The following RASAL2 variants were observed in gnomAD, a reference collection of about 807,000 sequenced individuals.
The protein encoded by RASAL2 is ras GTPase-activating protein nGAP.
In RASAL2, 58 loss-of-function variants were observed where a neutral mutation model predicts 128.9. The observed-to-expected ratio is 0.45, with a 90% CI of 0.36 to 0.56. The LOEUF is 0.56. RASAL2 is among the 20% of genes least tolerant of loss of function. The pLI is 0.00. For missense variants in RASAL2, 1,360 were observed against 1,601.6 expected (o/e 0.85, Z 2.57); for synonymous variants, 561 against 580.8 (o/e 0.97, Z 0.49).
chr1:178,203,546 C>G (rs1662944023), intron 1 of RASAL2, among the ~76,000 whole-genome samples: 1 of 152,190 alleles, frequency 6.6e-6, no homozygotes, highest in African/African-American at 2.4e-5. Flanking sequence ...TAGTGATCCA[C>G]TAGCACAATT....
chr1:178,349,147 G>A, intron 3 of RASAL2, among the ~76,000 whole-genome samples: 1 of 150,822 alleles, frequency 6.6e-6, no homozygotes, highest in African/African-American at 2.4e-5. Flanking sequence ...CTGGCCGGAC[G>A]CCGTGGCTCA....
chr1:178,288,973 A>G (rs554912696), intron 2 of RASAL2, among the ~76,000 whole-genome samples: 28 of 152,062 alleles, frequency 1.8e-4, no homozygotes, highest in Non-Finnish European at 3.4e-4. Context: ...TGAAAAAAAC[A>G]AAGCCTGTAT....
At chr1:178,347,770 A>G (rs918105355) in intron 3 of RASAL2, among the ~76,000 whole-genome samples, 2 of 152,250 alleles carry the variant, frequency 1.3e-5, no homozygotes, top group East Asian at 1.9e-4. Context: ...AAGCTGAACA[A>G]TGCTCAGTGA....
intron 1 of RASAL2, among the ~76,000 whole-genome samples, chr1:178,275,721 C>T (rs1223082683): frequency 6.6e-6 from 1 of 152,210 alleles, no homozygotes; most frequent in Non-Finnish European, 1.5e-5. Context: ...GAGAGGGAAG[C>T]AGCAGCAGAA....
chr1:178,197,611 G>GAAAA (rs57628750), intron 1 of RASAL2, among the ~76,000 whole-genome samples: 2 of 94,248 alleles, frequency 2.1e-5, no homozygotes, highest in South Asian at 7.2e-4. Flanking sequence ...TCCATCTGGG[G>GAAAA]AAAAAAAAAA....
intron 1 of RASAL2, among the ~76,000 whole-genome samples, chr1:178,183,151 C>T (rs979607102): frequency 6.6e-6 from 1 of 152,156 alleles, no homozygotes; most frequent in African/African-American, 2.4e-5. Context: ...ATAGTGCTTA[C>T]ATATAATGTC....
chr1:178,121,335 A>G (rs1286739039), intron 1 of RASAL2, among the ~76,000 whole-genome samples: 1 of 152,200 alleles, frequency 6.6e-6, no homozygotes, highest in Non-Finnish European at 1.5e-5. Flanking sequence ...AGTGTTCCTC[A>G]TAACAACTTT....
chr1:178,296,668 A>ATTTTT (rs1160539560), intron 2 of RASAL2, among the ~76,000 whole-genome samples: 1 of 113,750 alleles, frequency 8.8e-6, no homozygotes, highest in Non-Finnish European at 1.8e-5. Flanking sequence ...CCTGGCCTTG[A>ATTTTT]TTTTTTTTTT....
At chr1:178,189,029 T>C (rs1662401796) in intron 1 of RASAL2, among the ~76,000 whole-genome samples, 1 of 152,196 alleles carries the variant, frequency 6.6e-6, no homozygotes, top group African/African-American at 2.4e-5. Context: ...GCAATTATTG[T>C]GGTTCGCTTC....
chr1:178,309,263 T>C (rs1309647529), intron 3 of RASAL2, among the ~76,000 whole-genome samples: 1 of 152,148 alleles, frequency 6.6e-6, no homozygotes, highest in Non-Finnish European at 1.5e-5. Context: ...TAAAATGTCA[T>C]GTCTTATTCC....
chr1:178,455,377 TGTG>T (rs1164147424), intron 12 of RASAL2, among the ~76,000 whole-genome samples: 1 of 152,198 alleles, frequency 6.6e-6, no homozygotes, highest in Non-Finnish European at 1.5e-5. Context: ...TATAAATATG[TGTG>T]GTGGTATGTT....
At chr1:178,297,051 A>C (rs1033232759) in intron 2 of RASAL2, among the ~76,000 whole-genome samples, 3 of 152,056 alleles carry the variant, frequency 2.0e-5, no homozygotes, top group African/African-American at 7.2e-5. Context: ...AGAAAAAAAA[A>C]CAAAGAAAGA....
At chr1:178,162,459 ATATATTTTATATATT>A (rs1343914068) in intron 1 of RASAL2, among the ~76,000 whole-genome samples, 6 of 121,364 alleles carry the variant, frequency 4.9e-5, no homozygotes, top group African/African-American at 1.6e-4. Flanking sequence ...ATAATATTAA[ATATATTTTATATATT>A]TATATTTTAT....
chr1:178,163,620 C>A (rs992765066), intron 1 of RASAL2, among the ~76,000 whole-genome samples: 1 of 152,112 alleles, frequency 6.6e-6, no homozygotes, highest in Admixed American at 6.6e-5. Flanking sequence ...TATGAGTTTA[C>A]TTTTATTTTT....
chr1:178,323,581 A>G (rs1668893863), intron 3 of RASAL2, among the ~76,000 whole-genome samples: 1 of 152,356 alleles, frequency 6.6e-6, no homozygotes, highest in Non-Finnish European at 1.5e-5. Context: ...TTAACAAGTC[A>G]CAGTATCAAG....
At chr1:178,220,420 C>A (rs1395092278) in intron 1 of RASAL2, among the ~76,000 whole-genome samples, 1 of 152,034 alleles carries the variant, frequency 6.6e-6, no homozygotes, top group South Asian at 2.1e-4. Flanking sequence ...TGCCCCCAAA[C>A]AATTACAGTA....
At position 178,457,855 on chromosome 1, in the gene RASAL2, G is replaced by T; in HGVS notation, c.2563G>T (p.Asp855Tyr). ...GRSVSLMDLQDTHAAQVEHAS... is the reference protein window; with the variant it reads ...GRSVSLMDLQYTHAAQVEHAS... ...GAGCGTCTCCCTCATGGACCTCCAG[G>T]ACACTCATGCTGCTCAAGTGGAGCA... Residue 855 changes from aspartate (D) to tyrosine (Y), a missense_variant, in exon 14 of 18, where the codon GAC becomes TAC. Around this residue, in one of 3 missense-constraint regions of RASAL2, gnomAD observed 741 missense variants for 868.6 expected, o/e 0.85. Coordinates refer to ENST00000367649, the MANE Select transcript of RASAL2 (RefSeq NM_170692.4). 1.9e-6 allele frequency: 3 copies of T among 1,614,166 alleles called. No homozygotes were observed. The highest frequency in any genetic ancestry group is 2.5e-6 in the Non-Finnish European group (3 of 1,180,030).
At chr1:178,254,256 C>T (rs937687178) in intron 1 of RASAL2, among the ~76,000 whole-genome samples, 13 of 152,150 alleles carry the variant, frequency 8.5e-5, no homozygotes, top group Non-Finnish European at 7.3e-5. Flanking sequence ...TCAAATGTCA[C>T]TTTCTTAGAG....
At chr1:178,380,522 G>T (rs1027181794) in intron 3 of RASAL2, among the ~76,000 whole-genome samples, 6 of 152,052 alleles carry the variant, frequency 3.9e-5, no homozygotes, top group Non-Finnish European at 8.8e-5. Flanking sequence ...AAAAAAGGCA[G>T]TTCTATAGGG....
Sources: gnomAD v4.1 joint callset for allele counts (sites outside exome capture counted in the v4.1 genomes callset) on GRCh38, gnomAD v4.1.1 for gene constraint, gnomAD v4.1.1 regional missense constraint, MANE v1.5 for transcripts, NCBI Gene and HGNC (gene_info 2026-07-23, HGNC 2026-07-21) for gene names.